EHBP1: variants seen among roughly 807,000 people sequenced by gnomAD.
The protein encoded by EHBP1 is EH domain-binding protein 1.
A neutral mutation model predicts 144.0 loss-of-function variants in EHBP1; 55 were observed. The observed-to-expected ratio is 0.38, with a 90% CI of 0.31 to 0.48. The LOEUF is 0.48. Among genes scored for constraint, EHBP1 ranks in the 20% least tolerant of loss-of-function variants. EHBP1 has a pLI of 0.98. For synonymous variants in EHBP1, 469 were observed against 472.7 expected (o/e 0.99, Z 0.10); for missense variants, 1,200 against 1,364.2 (o/e 0.88, Z 1.90).
At chr2:62,865,404 A>G (rs899687941) in intron 9 of EHBP1, among the ~76,000 whole-genome samples, 1 of 152,234 alleles carries the variant, frequency 6.6e-6, no homozygotes, top group Non-Finnish European at 1.5e-5. Context: ...CAGTGAAATA[A>G]TAATATTTCT....
At chr2:63,024,571 C>T (rs2060893934) in intron 19 of EHBP1, among the ~76,000 whole-genome samples, 1 of 137,846 alleles carries the variant, frequency 7.3e-6, no homozygotes, top group Non-Finnish European at 1.5e-5. Context: ...CACTGTATTC[C>T]TGCCTTGGCA....
intron 5 of EHBP1, among the ~76,000 whole-genome samples, chr2:62,814,030 A>G (rs1330433264): frequency 6.6e-6 from 1 of 152,114 alleles, no homozygotes; most frequent in African/African-American, 2.4e-5. Context: ...ATTGGGATGG[A>G]ATGAATGTAT....
chr2:62,798,195 C>T (rs2043683552), intron 5 of EHBP1, among the ~76,000 whole-genome samples: 2 of 151,924 alleles, frequency 1.3e-5, no homozygotes, highest in South Asian at 2.1e-4. Context: ...GGTGAAACCC[C>T]CGTCTCTACT....
chr2:62,778,293 C>G (rs1381255351), intron 5 of EHBP1, among the ~76,000 whole-genome samples: 1 of 152,092 alleles, frequency 6.6e-6, no homozygotes, highest in Non-Finnish European at 1.5e-5. Context: ...AATCTTAACA[C>G]TTTGGGAGCC....
intron 1 of EHBP1, among the ~76,000 whole-genome samples, chr2:62,697,428 AATTGG>A (rs2034139726): frequency 6.6e-6 from 1 of 152,200 alleles, no homozygotes; most frequent in African/African-American, 2.4e-5. Flanking sequence ...CACATCTGAT[AATTGG>A]ATTTTATTGA....
intron 5 of EHBP1, among the ~76,000 whole-genome samples, chr2:62,795,829 C>A (rs1253686020): frequency 6.6e-6 from 1 of 151,834 alleles, no homozygotes; most frequent in East Asian, 1.9e-4. Flanking sequence ...CCTGCCCTTC[C>A]TTAATAGATA....
intron 19 of EHBP1, among the ~76,000 whole-genome samples, chr2:63,002,136 T>A (rs2059874376): frequency 6.6e-6 from 1 of 152,122 alleles, no homozygotes; most frequent in African/African-American, 2.4e-5. Context: ...AGCATCTCAC[T>A]CTTTACTAAT....
At chr2:63,009,355 T>C (rs190585268) in intron 19 of EHBP1, among the ~76,000 whole-genome samples, 2 of 151,718 alleles carry the variant, frequency 1.3e-5, no homozygotes, top group African/African-American at 4.8e-5. Flanking sequence ...TGTCTGAATC[T>C]ATATGAAACT....
intron 10 of EHBP1, among the ~76,000 whole-genome samples, chr2:62,878,520 A>T (rs751268364): frequency 2.0e-4 from 30 of 152,224 alleles, no homozygotes; most frequent in East Asian, 1.9e-4. Flanking sequence ...AAAAAAGGAA[A>T]ACTTCAGGTC....
chr2:62,905,920 T>C lies in EHBP1; in HGVS notation c.1185+31388T>C, dbSNP rs1173147664. On this transcript the variant is annotated intron_variant, in intron 10 of 22. Transcript: ENST00000431489. The stretch of plus-strand genomic sequence containing the variant: ...AAATAGTCTGGGCAAAAAACGATGG[T>C]AGTTTAGATTACAGTGGTGATAGTA... Among the ~76,000 whole-genome samples the C allele has an allele frequency of 2.0e-5, 3 of 151,978 alleles. No individual in the cohort carries two copies. The South Asian group carries it at 6.2e-4, about 32-fold the overall frequency.
At chr2:63,012,033 T>C (rs72811592) in intron 19 of EHBP1, among the ~76,000 whole-genome samples, 2,402 of 152,028 alleles carry the variant, frequency 0.016, 49 homozygotes, top group Admixed American at 0.056. Context: ...AGTAGGTCTG[T>C]AGTTTTGTTG....
At chr2:63,000,907 A>T (rs1178401296) in intron 19 of EHBP1, among the ~76,000 whole-genome samples, 2 of 152,038 alleles carry the variant, frequency 1.3e-5, no homozygotes, top group Non-Finnish European at 2.9e-5. Context: ...ATGATTTCTT[A>T]TTTGGGAAGA....
At position 63,038,794 on chromosome 2, in the gene EHBP1, G is replaced by C. The variant is rs1287653941; in HGVS notation, c.3255G>C (p.Leu1085Phe). The change falls in exon 21 of 23, where the codon TTG (leucine) becomes TTC (phenylalanine). Residue 1085 changes from leucine (L) to phenylalanine (F), a missense_variant. Coordinates refer to ENST00000431489, the MANE Select transcript of EHBP1 (RefSeq NM_001142616.3). ...GGTATGAGCTGCTGAACCGGGAATT[G>C]AGGGCAATGCTAGCCATTGAAGGTA... is the stretch of plus-strand genomic sequence containing the variant. ...ERRYELLNRELRAMLAIEDWQ... is the reference protein window; with the variant it reads ...ERRYELLNREFRAMLAIEDWQ... 6.2e-7 allele frequency: 1 copy of C among 1,613,364 alleles called. No homozygotes were observed. Among genetic ancestry groups the C allele is most frequent in the Non-Finnish European group, 8.5e-7 (1 of 1,179,518 alleles).
intron 10 of EHBP1, among the ~76,000 whole-genome samples, chr2:62,883,895 T>G (rs963419832): frequency 6.6e-6 from 1 of 152,290 alleles, no homozygotes; most frequent in South Asian, 2.1e-4. Flanking sequence ...CACTTGAGCC[T>G]GGGAGGTAGA....
chr2:62,767,277 G>T (rs939156296), intron 4 of EHBP1, among the ~76,000 whole-genome samples: 1 of 152,136 alleles, frequency 6.6e-6, no homozygotes, highest in African/African-American at 2.4e-5. Context: ...ACATTTACTG[G>T]TTTATCTGTC....
chr2:62,780,677 A>G (rs1044008247), intron 5 of EHBP1, among the ~76,000 whole-genome samples: 2 of 152,200 alleles, frequency 1.3e-5, no homozygotes, highest in Non-Finnish European at 2.9e-5. Context: ...GAGCCTGTCA[A>G]CTATACTGTA....
At chr2:62,842,842 C>T (rs1460543146) in intron 7 of EHBP1, among the ~76,000 whole-genome samples, 1 of 152,048 alleles carries the variant, frequency 6.6e-6, no homozygotes. Flanking sequence ...CAGTATTGTG[C>T]TATTTTGATC....
intron 7 of EHBP1, among the ~76,000 whole-genome samples, chr2:62,857,393 A>G (rs2049144212): frequency 1.3e-5 from 2 of 152,204 alleles, no homozygotes; most frequent in Non-Finnish European, 2.9e-5. Context: ...ATAAATAAAT[A>G]TTTGTTCAAT....
intron 5 of EHBP1, among the ~76,000 whole-genome samples, chr2:62,797,514 TA>T (rs1448315006): frequency 6.6e-6 from 1 of 152,230 alleles, no homozygotes; most frequent in African/African-American, 2.4e-5. Flanking sequence ...TTATCTTTGC[TA>T]CTGTGTTAAT....
Sources: allele counts gnomAD v4.1 joint callset (sites outside exome capture counted in the v4.1 genomes callset), GRCh38; gene constraint gnomAD v4.1.1; transcripts MANE v1.5; gene names NCBI Gene and HGNC (gene_info 2026-07-23, HGNC 2026-07-21).